The following PLSCR2 variants were observed in gnomAD, a reference collection of about 807,000 sequenced individuals.
PLSCR2 encodes PL scramblase 2.
In PLSCR2, 18 loss-of-function variants were observed where a neutral mutation model predicts 25.3. That is an observed-to-expected ratio of 0.71 (90% CI 0.49 to 1.06). The LOEUF (loss-of-function observed/expected upper bound fraction) is 1.06. PLSCR2 is among the 50% of genes least tolerant of loss of function. The probability of loss-of-function intolerance (pLI) is 0.00; values close to 1 mark genes in which losing one functional copy is unlikely to be tolerated. For missense variants in PLSCR2, 243 were observed against 269.5 expected, an observed-to-expected ratio of 0.90 and a Z score of 0.69; for synonymous variants, 88 against 87.3, an observed-to-expected ratio of 1.01 and a Z score of -0.04.
At chr3:146,391,647 A>ATTT (rs945693048) in intron 3 of PLSCR2, 15 of 152,592 alleles carry the variant, frequency 9.8e-5, no homozygotes, top group African/African-American at 3.4e-4. Context: ...AATGATTTTT[A>ATTT]AGGTCCCTGT....
At chr3:146,463,333 C>T (rs375962699), upstream of PLSCR2, among the ~76,000 whole-genome samples, 13 of 152,222 alleles carry the variant, frequency 8.5e-5, no homozygotes, top group African/African-American at 2.6e-4. Context: ...CCCGCCACCA[C>T]GCCCGGAATA....
chr3:146,487,099 T>G (rs521583), intron 1 of PLSCR2, among the ~76,000 whole-genome samples: 44,815 of 152,036 alleles, frequency 0.29, 6,615 homozygotes, highest in South Asian at 0.4. Flanking sequence ...GAAAAGGCCT[T>G]CAATACCATT....
chr3:146,484,754 T>G (rs896903356), intron 1 of PLSCR2, among the ~76,000 whole-genome samples: 3 of 151,992 alleles, frequency 2.0e-5, no homozygotes, highest in Non-Finnish European at 4.4e-5. Flanking sequence ...GGCTATCATT[T>G]CCACCAGTCC....
At chr3:146,482,034 C>A (rs1194441138) in intron 1 of PLSCR2, among the ~76,000 whole-genome samples, 1 of 152,156 alleles carries the variant, frequency 6.6e-6, no homozygotes, top group Admixed American at 6.5e-5. Flanking sequence ...ATGTAGAAAG[C>A]AGAAGCTGGA....
chr3:146,399,542 T>G (rs2038387929), intron 2 of PLSCR2, among the ~76,000 whole-genome samples: 1 of 151,698 alleles, frequency 6.6e-6, no homozygotes, highest in South Asian at 2.1e-4. Flanking sequence ...ATAAGAAACT[T>G]GTAATAGTAG....
intron 6 of PLSCR2, among the ~76,000 whole-genome samples, chr3:146,443,736 T>C (rs2040384535): frequency 6.6e-6 from 1 of 151,990 alleles, no homozygotes; most frequent in Non-Finnish European, 1.5e-5. Context: ...TTTTTGTGTT[T>C]TTTTATTTCA....
At chr3:146,428,054 G>A (rs1255509165) in intron 2 of PLSCR2, among the ~76,000 whole-genome samples, 1 of 152,060 alleles carries the variant, frequency 6.6e-6, no homozygotes, top group Non-Finnish European at 1.5e-5. Flanking sequence ...AAAGGATTTT[G>A]CAAACAAATG....
intron 1 of PLSCR2, among the ~76,000 whole-genome samples, chr3:146,482,023 T>C (rs1362206968): frequency 1.3e-5 from 2 of 152,112 alleles, no homozygotes; most frequent in African/African-American, 4.8e-5. Context: ...TGGCTAGCCA[T>C]ATGTAGAAAG....
chr3:146,491,473 A>T lies in PLSCR2; in HGVS notation c.-293+4422T>A, dbSNP rs6769044. On this transcript the variant is annotated intron_variant, in intron 1 of 8. Transcript: ENST00000336685. ...TTTTCCAAGTGCTTGCTCTTTCTCC[A>T]TCATTTTCAAGAATGCCAATGAGTC... Among the ~76,000 whole-genome samples, 1,018 of 152,142 alleles carry T rather than the reference A, an allele frequency of 6.7e-3. 13 individuals carry two copies. Among genetic ancestry groups the T allele is most frequent in the African/African-American group, 0.023 (972 of 41,524 alleles).
In PLSCR2 at chr3:146,469,799, G is replaced by C. The variant is rs114560235; in HGVS notation, c.-292-9515C>G. 2.1e-5 allele frequency among the ~76,000 whole-genome samples: 3 copies of C among 144,066 alleles called. No individual in the cohort carries two copies. The South Asian group carries it at 7.1e-4, about 34-fold the overall frequency. The allele number at this position is 144,066 out of a possible 152,430, so 94.5% of individuals were successfully genotyped here. On this transcript the variant is annotated intron_variant, in intron 1 of 8. Coordinates refer to the PLSCR2 transcript ENST00000336685. ...GCACCCACCCCCCCACGCCGTGTGC[G>C]ACGCGCAGCTGCCGCCCAGCCCGTC... is the stretch of plus-strand genomic sequence containing the variant.
In PLSCR2 at chr3:146,481,448, C is replaced by T. The variant is rs557954856; in HGVS notation, c.-293+14447G>A. Among the ~76,000 whole-genome samples the T allele has an allele frequency of 1.3e-3, 203 of 152,110 alleles. 1 individual carries two copies. Among genetic ancestry groups the T allele is most frequent in the South Asian group, 2.7e-3 (13 of 4,816 alleles). On this transcript the variant is annotated intron_variant, in intron 1 of 8. Coordinates refer to the PLSCR2 transcript ENST00000336685. ...TTCCTATACACCAATAACAAACAGA[C>T]AGCCAAGTCATCAGTGAACTCCCAT...
intron 1 of PLSCR2, among the ~76,000 whole-genome samples, chr3:146,483,278 A>G (rs1428352450): frequency 5.3e-5 from 6 of 112,796 alleles, no homozygotes; most frequent in African/African-American, 1.0e-4. Flanking sequence ...GAACGTGGTG[A>G]ACGGGGGGTG....
intron 5 of PLSCR2, among the ~76,000 whole-genome samples, chr3:146,453,153 G>T (rs531040612): frequency 2.2e-4 from 33 of 152,026 alleles, no homozygotes; most frequent in Non-Finnish European, 4.4e-4. Context: ...GAGAAGGAAG[G>T]ATGCAACAGA....
intron 1 of PLSCR2, among the ~76,000 whole-genome samples, chr3:146,472,580 C>T (rs767177624): frequency 1.3e-5 from 2 of 152,088 alleles, no homozygotes; most frequent in Non-Finnish European, 2.9e-5. Context: ...GTGGAAGGGA[C>T]GAGGGATCTC....
intron 1 of PLSCR2, among the ~76,000 whole-genome samples, chr3:146,470,944 T>C (rs1219794897): frequency 4.6e-5 from 7 of 152,202 alleles, no homozygotes; most frequent in Admixed American, 2.6e-4. Flanking sequence ...AGTTAAAATA[T>C]ATAAAGAATT....
chr3:146,459,892 G>C, exon 2 of PLSCR2: 1 of 1,613,974 alleles, frequency 6.2e-7, no homozygotes, highest in Non-Finnish European at 8.5e-7. Context: ...AATGGTGGTG[G>C]TGGTGCTGGC....
intron 4 of PLSCR2, 96 bp downstream of exon 4, chr3:146,455,143 A>G (rs2041127078): frequency 1.3e-6 from 1 of 791,966 alleles, no homozygotes; most frequent in African/African-American, 1.7e-5. Context: ...ATGGAGCCAT[A>G]TTCATTTAAA....
chr3:146,394,023 G>A (rs1002825924), intron 3 of PLSCR2, among the ~76,000 whole-genome samples: 4 of 151,906 alleles, frequency 2.6e-5, no homozygotes, highest in African/African-American at 7.3e-5. Flanking sequence ...TACAGGTCTA[G>A]AATTATTACA....
intron 2 of PLSCR2, among the ~76,000 whole-genome samples, chr3:146,400,362 G>A (rs2038425392): frequency 6.6e-6 from 1 of 151,140 alleles, no homozygotes; most frequent in African/African-American, 2.4e-5. Flanking sequence ...AAAAAGTAAA[G>A]TTTAAATAAA....
Sources: gnomAD v4.1 joint callset for allele counts (sites outside exome capture counted in the v4.1 genomes callset) on GRCh38, gnomAD v4.1.1 for gene constraint, MANE v1.5 for transcripts, NCBI Gene and HGNC (gene_info 2026-07-23, HGNC 2026-07-21) for gene names.